Variants in BRD10 observed in about 807,000 individuals in gnomAD.
BRD10 encodes bromodomain containing 10, also known as uncharacterized bromodomain-containing protein 10.
the BRD10 span, among the ~76,000 whole-genome samples, chr9:5,930,369 T>TTTTATATATATACATATA: frequency 2.0e-4 from 27 of 135,536 alleles, no homozygotes; most frequent in African/African-American, 7.4e-4. Flanking sequence ...TATAAGGAGA[T>TTTTATATATATACATATA]TATATATATA....
At chr9:5,923,758 T>C in the BRD10 span, among the ~76,000 whole-genome samples, 1 of 152,180 alleles carries the variant, frequency 6.6e-6, no homozygotes, top group African/African-American at 2.4e-5. Flanking sequence ...GGACAAAAAA[T>C]ATCCAGCTTT....
At chr9:5,891,189 GCCTC>G in the BRD10 span, 1 of 152,228 alleles carries the variant, frequency 6.6e-6, no homozygotes, top group Non-Finnish European at 1.5e-5. Flanking sequence ...GGGAGAAGCA[GCCTC>G]CCTGAGGTAG....
At chr9:5,917,154 C>T in the BRD10 span, among the ~76,000 whole-genome samples, 2 of 152,104 alleles carry the variant, frequency 1.3e-5, no homozygotes, top group African/African-American at 4.8e-5. Flanking sequence ...TGATAAGGTT[C>T]CTGAAATTAA....
chr9:5,921,519 T>A, the BRD10 span: 1 of 1,613,856 alleles, frequency 6.2e-7, no homozygotes, highest in South Asian at 1.1e-5. Context: ...AGCGCAGGTG[T>A]CATATTAATT....
chr9:5,979,878 T>C, the BRD10 span, among the ~76,000 whole-genome samples: 1 of 151,676 alleles, frequency 6.6e-6, no homozygotes, highest in African/African-American at 2.4e-5. Context: ...TAGCTGGGCA[T>C]AGTGGCAGCA....
the BRD10 span, chr9:6,007,224 C>A: frequency 9.7e-5 from 156 of 1,613,694 alleles, 1 homozygote; most frequent in East Asian, 2.2e-3. Context: ...TCTGCTCCAG[C>A]ATCATCTCCA....
chr9:5,951,775 G>A, the BRD10 span, among the ~76,000 whole-genome samples: 4 of 151,410 alleles, frequency 2.6e-5, no homozygotes, highest in African/African-American at 9.8e-5. Flanking sequence ...CTAGTGACTA[G>A]CACTATCTCC....
At chr9:5,979,000 A>G in the BRD10 span, among the ~76,000 whole-genome samples, 1 of 152,262 alleles carries the variant, frequency 6.6e-6, no homozygotes, top group Admixed American at 6.5e-5. Context: ...AAGCTATTTA[A>G]AAATGCTGGG....
At chr9:5,968,583 C>T in the BRD10 span, 1 of 1,613,736 alleles carries the variant, frequency 6.2e-7, no homozygotes, top group Non-Finnish European at 8.5e-7. Context: ...ATCATTTTAG[C>T]AGGACAGCAA....
At chr9:5,903,801 T>C in the BRD10 span, among the ~76,000 whole-genome samples, 5 of 152,214 alleles carry the variant, frequency 3.3e-5, no homozygotes, top group African/African-American at 9.6e-5. Context: ...CTGAAACTAA[T>C]ATAGGAACTC....
chr9:5,968,995 T>C, the BRD10 span: 1 of 1,609,766 alleles, frequency 6.2e-7, no homozygotes, highest in Non-Finnish European at 8.5e-7. Flanking sequence ...TTTCTTCCAA[T>C]GGATTAACTT....
the BRD10 span, among the ~76,000 whole-genome samples, chr9:5,937,205 G>T: frequency 6.6e-6 from 1 of 150,522 alleles, no homozygotes; most frequent in Non-Finnish European, 1.5e-5. Context: ...CTCTAGCCTG[G>T]GCGATAGAGC....
chr9:5,895,690 G>C, the BRD10 span, among the ~76,000 whole-genome samples: 2 of 152,338 alleles, frequency 1.3e-5, no homozygotes, highest in East Asian at 3.9e-4. Context: ...CTAAGAGGCT[G>C]ATTGGGTAGG....
the BRD10 span, among the ~76,000 whole-genome samples, chr9:5,883,462 C>CTTTTTTTTTT: frequency 3.6e-4 from 37 of 102,360 alleles, no homozygotes; most frequent in South Asian, 6.3e-4. Context: ...CCTTCTTCTT[C>CTTTTTTTTTT]TTTTTTTTTT....
the BRD10 span, among the ~76,000 whole-genome samples, chr9:5,978,070 G>C: frequency 6.6e-5 from 10 of 152,108 alleles, no homozygotes; most frequent in African/African-American, 1.2e-4. Flanking sequence ...TTTAAAAACA[G>C]GGTACATAAA....
chr9:5,990,702 C>T, the BRD10 span, among the ~76,000 whole-genome samples: 17 of 152,152 alleles, frequency 1.1e-4, no homozygotes, highest in African/African-American at 4.1e-4. Context: ...TTCTCTCTCA[C>T]CAACATGTAA....
chr9:5,975,264 T>A, the BRD10 span, among the ~76,000 whole-genome samples: 4 of 151,592 alleles, frequency 2.6e-5, no homozygotes, highest in African/African-American at 9.7e-5. Context: ...GGTGAAACTC[T>A]GTCTCTACTA....
chr9:5,912,213 A>T, the BRD10 span, among the ~76,000 whole-genome samples: 3 of 152,092 alleles, frequency 2.0e-5, no homozygotes, highest in Non-Finnish European at 4.4e-5. Flanking sequence ...TGATTTTTTA[A>T]TGTTGATTTT....
chr9:5,976,016 GA>G, the BRD10 span, among the ~76,000 whole-genome samples: 17 of 152,094 alleles, frequency 1.1e-4, no homozygotes, highest in Non-Finnish European at 2.4e-4. Context: ...ATGCCAAATG[GA>G]AAAATCAAGA....
Sources: gnomAD v4.1 joint callset for allele counts (sites outside exome capture counted in the v4.1 genomes callset) on GRCh38, gnomAD v4.1.1 for gene constraint, MANE v1.5 for transcripts, NCBI Gene and HGNC (gene_info 2026-07-23, HGNC 2026-07-21) for gene names.